Variants in RASAL2 observed in about 807,000 individuals in gnomAD.
RASAL2 encodes the protein ras GTPase-activating protein nGAP.
Under a neutral mutation model 128.9 loss-of-function variants are expected in RASAL2, and 58 were observed. The ratio of observed to expected loss-of-function variants is 0.45; its 90% CI spans 0.36 to 0.56. The LOEUF (loss-of-function observed/expected upper bound fraction) is 0.56. Among genes scored for constraint, RASAL2 ranks in the 20% least tolerant of loss-of-function variants. The pLI is 0.00. For synonymous variants in RASAL2, 561 were observed against 580.8 expected, an observed-to-expected ratio of 0.97 and a Z score of 0.49; for missense variants, 1,360 against 1,601.6, an observed-to-expected ratio of 0.85 and a Z score of 2.57.
At chr1:178,131,688 A>G (rs921351976) in intron 1 of RASAL2, among the ~76,000 whole-genome samples, 1 of 152,136 alleles carries the variant, frequency 6.6e-6, no homozygotes, top group Admixed American at 6.5e-5. Context: ...CACAAGTTAA[A>G]TGTTAGACTG....
chr1:178,469,333 G>A (rs1264885796), intron 17 of RASAL2, among the ~76,000 whole-genome samples: 2 of 152,118 alleles, frequency 1.3e-5, no homozygotes, highest in South Asian at 2.1e-4. Context: ...GAGGGAGCTT[G>A]GGTGTGCCAC....
chr1:178,419,274 TTTTA>T (rs1674978305), intron 4 of RASAL2, among the ~76,000 whole-genome samples: 1 of 152,046 alleles, frequency 6.6e-6, no homozygotes, highest in Non-Finnish European at 1.5e-5. Flanking sequence ...TTTTGTTTTA[TTTTA>T]TTTATTTGTT....
chr1:178,110,559 T>TAC (rs1011143762), intron 1 of RASAL2, among the ~76,000 whole-genome samples: 14 of 145,292 alleles, frequency 9.6e-5, no homozygotes, highest in South Asian at 2.1e-4. Flanking sequence ...AGTGTATATA[T>TAC]AGTATATATA....
intron 3 of RASAL2, among the ~76,000 whole-genome samples, chr1:178,384,673 A>AC (rs1672456782): frequency 6.6e-6 from 1 of 151,266 alleles, no homozygotes; most frequent in Non-Finnish European, 1.5e-5. Flanking sequence ...CAAAAAAAAA[A>AC]AAACACACAC....
rs184311633 is a variant in RASAL2, at chr1:178,147,116, C to T, written c.202+52422C>T. On this transcript the variant is annotated intron_variant, in intron 1 of 17. Coordinates refer to ENST00000367649, the MANE Select transcript of RASAL2 (RefSeq NM_170692.4). ...AGTGTAGATACTTGTGGTAGATAAT[C>T]GTTTTATTTTGAACTTTTATATTTA... Among the ~76,000 whole-genome samples the T allele has an allele frequency of 1.5e-4, 23 of 150,326 alleles. No individual in the cohort carries two copies. In the East Asian group the frequency reaches 4.5e-3, roughly 30 times the overall value.
chr1:178,132,890 T>A (rs904479906), intron 1 of RASAL2, among the ~76,000 whole-genome samples: 1 of 149,884 alleles, frequency 6.7e-6, no homozygotes, highest in Non-Finnish European at 1.5e-5. Context: ...TGCCTCAACC[T>A]CCCAAGTAGC....
intron 3 of RASAL2, among the ~76,000 whole-genome samples, chr1:178,366,583 A>ACCCCCCCCCC (rs1170150772): frequency 2.6e-5 from 1 of 37,910 alleles, no homozygotes; most frequent in Admixed American, 3.1e-4. Flanking sequence ...GGTACCTCCC[A>ACCCCCCCCCC]CCCCCCCCCG....
At chr1:178,196,347 G>A (rs1252755479) in intron 1 of RASAL2, among the ~76,000 whole-genome samples, 1 of 152,110 alleles carries the variant, frequency 6.6e-6, no homozygotes, top group African/African-American at 2.4e-5. Context: ...TTTGCAACAT[G>A]TAAAACAAAA....
At chr1:178,453,418 TAG>T (rs1677531253) in intron 11 of RASAL2, among the ~76,000 whole-genome samples, 1 of 151,840 alleles carries the variant, frequency 6.6e-6, no homozygotes, top group African/African-American at 2.4e-5. Flanking sequence ...AAAATCTGTC[TAG>T]AAAGAGAGGG....
chr1:178,357,350 C>CT (rs1385120161), intron 3 of RASAL2, among the ~76,000 whole-genome samples: 142 of 134,620 alleles, frequency 1.1e-3, no homozygotes, highest in African/African-American at 2.7e-3. Context: ...TGTTTCAGTG[C>CT]TTTTTTTTTT....
intron 2 of RASAL2, among the ~76,000 whole-genome samples, chr1:178,287,536 C>T (rs776208607): frequency 1.3e-5 from 2 of 152,036 alleles, no homozygotes; most frequent in Non-Finnish European, 2.9e-5. Flanking sequence ...TACATGTTTA[C>T]AGCACACATG....
intron 1 of RASAL2, among the ~76,000 whole-genome samples, chr1:178,255,298 A>G (rs1423449042): frequency 1.3e-5 from 2 of 152,164 alleles, no homozygotes; most frequent in Admixed American, 1.3e-4. Context: ...ATGTAATTTT[A>G]AAAGATAGTA....
At position 178,299,884 on chromosome 1, in the gene RASAL2, A is replaced by T. The variant is rs994111008; in HGVS notation, c.331-108A>T. 4 of 1,106,484 alleles carry T rather than the reference A, an allele frequency of 3.6e-6. No individual in the cohort carries two copies. In the East Asian group the frequency reaches 7.5e-5, roughly 21 times the overall value. The allele number at this position is 1,106,484 out of a possible 1,614,324, so 68.5% of individuals were successfully genotyped here. A position where few individuals can be genotyped will look rare whatever the true frequency, so the allele number is the denominator to read the frequency against. On this transcript the variant is annotated intron_variant, in intron 2 of 17. Coordinates refer to ENST00000367649, the MANE Select transcript of RASAL2 (RefSeq NM_170692.4). ...TTTATTTCTATATTTCTCCTGCCTT[A>T]CTCTTTGTTACACACTCCTGTCTTC...
intron 1 of RASAL2, among the ~76,000 whole-genome samples, chr1:178,106,481 T>G (rs1416246313): frequency 1.3e-5 from 2 of 152,228 alleles, no homozygotes; most frequent in Non-Finnish European, 2.9e-5. Context: ...TGGTTGCTGA[T>G]TACTCTGTAT....
chr1:178,176,334 G>A (rs949168893), intron 1 of RASAL2, among the ~76,000 whole-genome samples: 2 of 151,146 alleles, frequency 1.3e-5, no homozygotes, highest in African/African-American at 4.9e-5. Flanking sequence ...ATTTTTTCAT[G>A]TTTCTTGACC....
chr1:178,437,560 C>A (rs1244474060), intron 5 of RASAL2, among the ~76,000 whole-genome samples: 1 of 152,058 alleles, frequency 6.6e-6, no homozygotes, highest in African/African-American at 2.4e-5. Context: ...CTTTGTCATA[C>A]CTCCTTCTGT....
intron 3 of RASAL2, among the ~76,000 whole-genome samples, chr1:178,305,326 AC>A (rs1667937909): frequency 6.6e-6 from 1 of 152,166 alleles, no homozygotes; most frequent in African/African-American, 2.4e-5. Flanking sequence ...ATCACAAAAG[AC>A]CCTGAATAGC....
intron 1 of RASAL2, among the ~76,000 whole-genome samples, chr1:178,179,947 C>T (rs926943895): frequency 1.3e-5 from 2 of 152,106 alleles, no homozygotes; most frequent in African/African-American, 2.4e-5. Flanking sequence ...GTACATTCAA[C>T]GTTTACAAAA....
chr1:178,265,535 G>A (rs971256692), intron 1 of RASAL2, among the ~76,000 whole-genome samples: 10 of 152,206 alleles, frequency 6.6e-5, no homozygotes, highest in African/African-American at 2.4e-4. Flanking sequence ...CCCTAAAAGA[G>A]TAGGTATTTT....
Sources: gnomAD v4.1 joint callset for allele counts (sites outside exome capture counted in the v4.1 genomes callset) on GRCh38, gnomAD v4.1.1 for gene constraint, MANE v1.5 for transcripts, NCBI Gene and HGNC (gene_info 2026-07-23, HGNC 2026-07-21) for gene names.